Variants in GAS2L3 observed in about 807,000 individuals in gnomAD.
The protein encoded by GAS2L3 is growth arrest specific 2 like 3.
GAS2L3 carries 28 observed loss-of-function variants against 37.0 expected under a neutral mutation model. That is an observed-to-expected ratio of 0.76 (90% CI 0.56 to 1.04). The LOEUF (loss-of-function observed/expected upper bound fraction) is 1.04, where lower values mean the gene tolerates loss of function less well. GAS2L3 is among the 50% of genes least tolerant of loss of function. The pLI is 0.00. For synonymous variants in GAS2L3, 290 were observed against 296.6 expected (o/e 0.98, Z 0.23); for missense variants, 793 against 817.6 (o/e 0.97, Z 0.37).
At chr12:100,577,882 G>A (rs546945514) in intron 1 of GAS2L3, among the ~76,000 whole-genome samples, 99 of 152,286 alleles carry the variant, frequency 6.5e-4, no homozygotes, top group African/African-American at 2.2e-3. Flanking sequence ...AAAGCATGGC[G>A]CTTAGAAGGA....
At position 100,625,337 on chromosome 12, in the gene GAS2L3, C is replaced by T. The variant is rs1956322002; in HGVS notation, c.*447C>T. ...TAAAAAAAAAAAAGCAACAGTTTGGCACTTGTCCTACAAAAGGCACCTAAT... is the reference window on the plus strand; with the variant it reads ...TAAAAAAAAAAAAGCAACAGTTTGGTACTTGTCCTACAAAAGGCACCTAAT... On this transcript the variant is annotated 3_prime_UTR_variant, in exon 10 of 10. Coordinates refer to ENST00000547754, the MANE Select transcript of GAS2L3 (RefSeq NM_174942.3). 1 of 153,948 alleles carries T rather than the reference C, an allele frequency of 6.5e-6. No individual in the cohort carries two copies. Among genetic ancestry groups the T allele is most frequent in the African/African-American group, 2.4e-5 (1 of 41,158 alleles). 9.5% of individuals were successfully genotyped at this position (153,948 alleles called of 1,614,324 possible).
chr12:100,585,966 A>G (rs943406354), intron 1 of GAS2L3, among the ~76,000 whole-genome samples: 3 of 151,764 alleles, frequency 2.0e-5, no homozygotes, highest in African/African-American at 4.8e-5. Flanking sequence ...CTACATATTC[A>G]TCCACTTTTC....
intron 1 of GAS2L3, among the ~76,000 whole-genome samples, chr12:100,588,039 G>A (rs543247089): frequency 2.6e-5 from 4 of 151,894 alleles, no homozygotes; most frequent in Non-Finnish European, 5.9e-5. Flanking sequence ...GTGACAGAGC[G>A]AGACTCCATC....
intron 6 of GAS2L3, among the ~76,000 whole-genome samples, chr12:100,614,081 A>AT (rs1387846940): frequency 6.6e-6 from 1 of 152,164 alleles, no homozygotes; most frequent in Admixed American, 6.5e-5. Flanking sequence ...CTTTTTAAAA[A>AT]TTGTTTTAAG....
chr12:100,582,821 C>CTG (rs1186842127), intron 1 of GAS2L3, among the ~76,000 whole-genome samples: 1 of 152,168 alleles, frequency 6.6e-6, no homozygotes, highest in Non-Finnish European at 1.5e-5. Flanking sequence ...CAGGGTTGTG[C>CTG]TGTGTTTGGA....
intron 1 of GAS2L3, chr12:100,578,886 G>A: frequency 2.5e-6 from 2 of 797,666 alleles, no homozygotes; most frequent in South Asian, 1.4e-5. Context: ...AATATGGGAG[G>A]TGTGGAAAGC....
chr12:100,574,314 G>A (rs568938603), intron 1 of GAS2L3, among the ~76,000 whole-genome samples: 1 of 152,298 alleles, frequency 6.6e-6, no homozygotes. Flanking sequence ...CCTCTAGCAA[G>A]GTTTATAGGC....
chr12:100,626,840 C>G lies in GAS2L3; in HGVS notation c.*1950C>G, dbSNP rs1451987888. The G allele has an allele frequency of 6.6e-6, 1 of 152,120 alleles. No individual in the cohort carries two copies. The highest frequency in any genetic ancestry group is 2.4e-5 in the African/African-American group (1 of 41,528). 9.4% of individuals were successfully genotyped at this position (152,120 alleles called of 1,614,324 possible). A position where few individuals can be genotyped will look rare whatever the true frequency, so the allele number is the denominator to read the frequency against. Reference sequence around the variant, plus strand: ...ATTGTTTATTTGAGGCCAGGCAATCCCAGCATTTTGGGAAGCCAAGTTGGG... The same window carrying G: ...ATTGTTTATTTGAGGCCAGGCAATCGCAGCATTTTGGGAAGCCAAGTTGGG... On this transcript the variant is annotated 3_prime_UTR_variant, in exon 10 of 10. Coordinates refer to ENST00000547754, the MANE Select transcript of GAS2L3 (RefSeq NM_174942.3).
At chr12:100,589,627 T>C (rs535363288) in intron 1 of GAS2L3, among the ~76,000 whole-genome samples, 1 of 151,956 alleles carries the variant, frequency 6.6e-6, no homozygotes, top group Non-Finnish European at 1.5e-5. Flanking sequence ...GCAAGACTAA[T>C]CAAAAAAGAA....
chr12:100,583,344 A>C (rs78359552), intron 1 of GAS2L3, among the ~76,000 whole-genome samples: 2,945 of 152,322 alleles, frequency 0.019, 80 homozygotes, highest in African/African-American at 0.062. Context: ...TCTACTACAC[A>C]TGGAGTTTAC....
chr12:100,594,888 T>G lies in GAS2L3; in HGVS notation c.-17T>G, dbSNP rs1955891512. 7.6e-7 allele frequency: 1 copy of G among 1,315,558 alleles called. No homozygotes were observed. The highest frequency in any genetic ancestry group is 1.5e-5 in the African/African-American group (1 of 65,512). The allele number at this position is 1,315,558 out of a possible 1,614,324, so 81.5% of individuals were successfully genotyped here. On this transcript the variant is annotated 5_prime_UTR_variant, in exon 3 of 10. Transcript: ENST00000547754. ...TTCTTTTTTCAGAAAAGAAATTTCATTTCAATATAGGTGACTATGCAGCCT... is the reference window on the plus strand; with the variant it reads ...TTCTTTTTTCAGAAAAGAAATTTCAGTTCAATATAGGTGACTATGCAGCCT...
chr12:100,615,642 G>T (rs1956177425), intron 6 of GAS2L3, among the ~76,000 whole-genome samples: 1 of 151,798 alleles, frequency 6.6e-6, no homozygotes, highest in African/African-American at 2.4e-5. Context: ...TTAGGTCATT[G>T]ATCTATTTTA....
At chr12:100,584,348 G>A (rs1955751476) in intron 1 of GAS2L3, among the ~76,000 whole-genome samples, 1 of 152,160 alleles carries the variant, frequency 6.6e-6, no homozygotes, top group Non-Finnish European at 1.5e-5. Flanking sequence ...CTCTCCAACT[G>A]TTTCTTCTCT....
chr12:100,574,408 G>A (rs1301411431), intron 1 of GAS2L3, among the ~76,000 whole-genome samples: 1 of 152,156 alleles, frequency 6.6e-6, no homozygotes, highest in Admixed American at 6.5e-5. Flanking sequence ...GAGACCCTGC[G>A]CGATGCCTTC....
At position 100,601,685 on chromosome 12, in the gene GAS2L3, G is replaced by A. The variant is rs1332805671; in HGVS notation, c.235G>A (p.Val79Ile). 2 of 1,602,038 alleles carry A rather than the reference G, an allele frequency of 1.2e-6. No homozygotes were observed. The highest frequency in any genetic ancestry group is 3.4e-5 in the Admixed American group (2 of 59,386). Residue 79 changes from valine (V) to isoleucine (I), a missense_variant, in exon 5 of 10, where the codon GTA (valine) becomes ATA (isoleucine). Val to Ile is a conservative substitution (Grantham distance 29). Transcript: ENST00000547754. ...ATTATTGGAAGAACTTGATAATGGA[G>A]TACTATTATGTCAACTGATTGATGT... ...EKLLEELDNG[V>I]LLCQLIDVLQ...
At chr12:100,597,989 A>G (rs2136453930) in intron 3 of GAS2L3, among the ~76,000 whole-genome samples, 1 of 152,272 alleles carries the variant, frequency 6.6e-6, no homozygotes, top group African/African-American at 2.4e-5. Context: ...TTTTAAAGCC[A>G]TCACAGACTA....
At chr12:100,574,720 A>G (rs1955614104) in intron 1 of GAS2L3, among the ~76,000 whole-genome samples, 1 of 152,222 alleles carries the variant, frequency 6.6e-6, no homozygotes, top group African/African-American at 2.4e-5. Context: ...CAAAAACAAC[A>G]AGAACAACAG....
At chr12:100,614,909 A>G (rs1230217054) in intron 6 of GAS2L3, among the ~76,000 whole-genome samples, 1 of 152,180 alleles carries the variant, frequency 6.6e-6, no homozygotes, top group African/African-American at 2.4e-5. Context: ...TTTTTAAGCC[A>G]TTCATCAGCT....
In GAS2L3 at chr12:100,622,344, G is replaced by A; in HGVS notation, c.718G>A (p.Gly240Arg). Residue 240 changes from glycine to arginine, a missense_variant, in exon 9 of 10, where the codon GGA (glycine) becomes AGA (arginine). Transcript: ENST00000547754. The part of the protein sequence containing the change: ...HRFSIEYLSE[G>R]RYRLGDKILF... ...ATTTTCTATTGAGTATTTATCTGAA[G>A]GACGGTACCGACTAGGGGATAAAAT... The A allele has an allele frequency of 6.3e-7, 1 of 1,597,866 alleles. No individual in the cohort carries two copies. Among genetic ancestry groups the A allele is most frequent in the Non-Finnish European group, 8.6e-7 (1 of 1,166,320 alleles).
Sources: allele counts gnomAD v4.1 joint callset (sites outside exome capture counted in the v4.1 genomes callset), GRCh38; gene constraint gnomAD v4.1.1; transcripts MANE v1.5; gene names NCBI Gene and HGNC (gene_info 2026-07-23, HGNC 2026-07-21).